CTNNA2: variants seen among roughly 807,000 people sequenced by gnomAD.
CTNNA2 encodes the protein catenin alpha 2.
CTNNA2 carries 42 observed loss-of-function variants against 101.0 expected under a neutral mutation model. That is an observed-to-expected ratio of 0.42 (90% CI 0.32 to 0.54). The LOEUF (loss-of-function observed/expected upper bound fraction) is 0.54, where lower values mean the gene tolerates loss of function less well. Ranked by LOEUF, CTNNA2 falls within the 20% of genes least tolerant of loss-of-function variation. The probability of loss-of-function intolerance (pLI) is 0.14; values close to 1 mark genes in which losing one functional copy is unlikely to be tolerated. For missense variants in CTNNA2, 871 were observed against 1,223.1 expected, an observed-to-expected ratio of 0.71 and a Z score of 4.29; for synonymous variants, 450 against 456.4, an observed-to-expected ratio of 0.99 and a Z score of 0.18.
At chr2:79,684,791 C>A (rs942336737) in intron 2 of CTNNA2, among the ~76,000 whole-genome samples, 4 of 152,092 alleles carry the variant, frequency 2.6e-5, no homozygotes, top group Admixed American at 2.0e-4. Context: ...ATTTCCTTTT[C>A]TTTATTTATG....
At chr2:79,803,505 G>C (rs988169794) in intron 3 of CTNNA2, among the ~76,000 whole-genome samples, 9 of 152,386 alleles carry the variant, frequency 5.9e-5, no homozygotes, top group African/African-American at 2.2e-4. Context: ...CTGCAGCAGG[G>C]ACACGCTCTT....
intron 7 of CTNNA2, among the ~76,000 whole-genome samples, chr2:80,168,081 C>T (rs868179825): frequency 3.3e-5 from 5 of 152,088 alleles, no homozygotes; most frequent in South Asian, 4.2e-4. Flanking sequence ...AATGGCTGTA[C>T]GTTTGTTTAT....
rs768344475 is a variant in CTNNA2 at position 79,672,708 on chromosome 2, CTTTTTTT to C, written c.102+21061_102+21067del. Among the ~76,000 whole-genome samples the C allele has an allele frequency of 4.8e-4, 64 of 134,316 alleles. No individual in the cohort carries two copies. The East Asian group carries it at 0.011, about 23-fold the overall frequency. The allele number at this position is 134,316 out of a possible 152,430, so 88.1% of individuals were successfully genotyped here. A position where few individuals can be genotyped will look rare whatever the true frequency, so the allele number is the denominator to read the frequency against. On this transcript the variant is annotated intron_variant, in intron 2 of 18. Coordinates refer to ENST00000402739, the MANE Select transcript of CTNNA2 (RefSeq NM_001282597.3). Reference sequence around the variant, plus strand: ...TTTCCGATGCAACATTTTCTTTTTTCTTTTTTTTTTTTTTTTTGAGACGGAGTTTTGC... The same window carrying C: ...TTTCCGATGCAACATTTTCTTTTTTCTTTTTTTTTTGAGACGGAGTTTTGC...
At chr2:79,541,633 T>G (rs918711782) in intron 1 of CTNNA2, among the ~76,000 whole-genome samples, 1 of 150,524 alleles carries the variant, frequency 6.6e-6, no homozygotes. Context: ...CTTCATAATT[T>G]TTTTTTTTTT....
At chr2:79,189,978 A>T (rs1006331723) in intron 1 of CTNNA2, among the ~76,000 whole-genome samples, 3 of 152,108 alleles carry the variant, frequency 2.0e-5, no homozygotes, top group Admixed American at 6.6e-5. Flanking sequence ...GCTGAGGGGA[A>T]AATTAAGGCA....
intron 7 of CTNNA2, among the ~76,000 whole-genome samples, chr2:80,199,805 G>C (rs1332504397): frequency 2.0e-5 from 3 of 152,134 alleles, no homozygotes; most frequent in African/African-American, 7.2e-5. Context: ...CCAGAAGACA[G>C]GTATGTCATC....
rs60582703 is a variant in CTNNA2, at chr2:80,495,939, C to CAA, written c.1291-49016_1291-49015dup. Among the ~76,000 whole-genome samples, 31 of 35,764 alleles carry CAA rather than the reference C, an allele frequency of 8.7e-4. 1 individual carries two copies. The highest frequency in any genetic ancestry group is 4.1e-3 in the Admixed American group (8 of 1,974). The allele number at this position is 35,764 out of a possible 152,430, so 23.5% of individuals were successfully genotyped here. ...TGGGCGGCAGAGCAAGACTCTGTCTCAAAAAAAAAAAAAAAAAAAAAAAAA... is the reference window on the plus strand; with the variant it reads ...TGGGCGGCAGAGCAAGACTCTGTCTCAAAAAAAAAAAAAAAAAAAAAAAAAAA... On this transcript the variant is annotated intron_variant, in intron 9 of 18. Transcript: ENST00000402739.
At chr2:79,860,523 C>T (rs1465748439) in intron 4 of CTNNA2, among the ~76,000 whole-genome samples, 50 of 141,806 alleles carry the variant, frequency 3.5e-4, no homozygotes, top group African/African-American at 1.3e-3. Flanking sequence ...GCAATCTCTT[C>T]TCCACACAGC....
intron 2 of CTNNA2, among the ~76,000 whole-genome samples, chr2:79,262,827 T>A (rs576740083): frequency 1.2e-4 from 19 of 152,118 alleles, no homozygotes; most frequent in Non-Finnish European, 2.5e-4. Flanking sequence ...AATTTAAACA[T>A]AAGCCACAGT....
At chr2:80,316,241 C>CT (rs141590289) in intron 7 of CTNNA2, among the ~76,000 whole-genome samples, 3,103 of 151,622 alleles carry the variant, frequency 0.02, 37 homozygotes, top group South Asian at 0.047. Flanking sequence ...TGTCCTGTGC[C>CT]TTTTTTTTAA....
chr2:80,478,610 C>T (rs554115325), intron 9 of CTNNA2, among the ~76,000 whole-genome samples: 323 of 152,122 alleles, frequency 2.1e-3, no homozygotes, highest in African/African-American at 7.5e-3. Flanking sequence ...AGTTATTTTC[C>T]CAGCACTATT....
chr2:80,517,103 T>C (rs373736381), intron 9 of CTNNA2, among the ~76,000 whole-genome samples: 44 of 152,260 alleles, frequency 2.9e-4, no homozygotes, highest in African/African-American at 9.9e-4. Context: ...GATGGGAACA[T>C]TTGTTTCTGA....
chr2:80,426,180 G>C (rs1285456615), intron 9 of CTNNA2, among the ~76,000 whole-genome samples: 3 of 152,108 alleles, frequency 2.0e-5, no homozygotes, highest in African/African-American at 7.2e-5. Context: ...ATGCCGAGCT[G>C]ATCCAGAAAC....
chr2:79,366,292 T>C (rs1677749111), intron 3 of CTNNA2, among the ~76,000 whole-genome samples: 1 of 152,178 alleles, frequency 6.6e-6, no homozygotes, highest in Non-Finnish European at 1.5e-5. Flanking sequence ...TCATTCAGAA[T>C]TAAATTAATT....
chr2:80,144,780 A>C (rs61659398), intron 7 of CTNNA2, among the ~76,000 whole-genome samples: 15,283 of 152,236 alleles, frequency 0.1, 973 homozygotes, highest in South Asian at 0.3. Context: ...TTTGTTTCTC[A>C]TTCATTATTT....
At chr2:79,263,459 C>A (rs541568495) in intron 2 of CTNNA2, among the ~76,000 whole-genome samples, 18 of 152,062 alleles carry the variant, frequency 1.2e-4, no homozygotes, top group Non-Finnish European at 2.2e-4. Flanking sequence ...TTCCTGAGGC[C>A]CTTGCCAGAA....
At chr2:79,584,065 A>G (rs1381174086) in intron 1 of CTNNA2, among the ~76,000 whole-genome samples, 2 of 152,040 alleles carry the variant, frequency 1.3e-5, no homozygotes. Context: ...TCTGATTGAC[A>G]TTGTGTTCAG....
Position 79,982,992 on chromosome 2 carries a change from GTC to G in CTNNA2, c.1056+73201_1056+73202del, listed in dbSNP as rs142049397. Among the ~76,000 whole-genome samples, 1,027 of 151,922 alleles carry G rather than the reference GTC, an allele frequency of 6.8e-3. 16 individuals are homozygous for G. The highest frequency in any genetic ancestry group is 0.023 in the African/African-American group (971 of 41,442). On this transcript the variant is annotated intron_variant, in intron 7 of 18. Transcript: ENST00000402739. The stretch of plus-strand genomic sequence containing the variant: ...CTTAAAAGAATGGTTCTCAGCCTGG[GTC>G]TCTCTATCAAATAATTGATGGCCAC...
chr2:79,996,039 T>C (rs972125540), intron 7 of CTNNA2, among the ~76,000 whole-genome samples: 1 of 152,186 alleles, frequency 6.6e-6, no homozygotes, highest in African/African-American at 2.4e-5. Context: ...AGTAGTAATT[T>C]TGGAAGTCCA....
Sources: allele counts gnomAD v4.1 joint callset (sites outside exome capture counted in the v4.1 genomes callset), GRCh38; gene constraint gnomAD v4.1.1; transcripts MANE v1.5; gene names NCBI Gene and HGNC (gene_info 2026-07-23, HGNC 2026-07-21).